Variants in HECTD4 observed in about 807,000 individuals in gnomAD.
HECTD4 encodes HECT domain E3 ubiquitin protein ligase 4, also known as probable E3 ubiquitin-protein ligase HECTD4.
HECTD4 carries 114 observed loss-of-function variants against 471.5 expected under a neutral mutation model. The ratio of observed to expected loss-of-function variants is 0.24; its 90% CI spans 0.21 to 0.28. HECTD4 has a LOEUF of 0.28. HECTD4 is among the 10% of genes least tolerant of loss of function. The pLI is 1.00. For missense variants in HECTD4, 3,866 were observed against 5,651.5 expected, an observed-to-expected ratio of 0.68 and a Z score of 10.13; for synonymous variants, 2,012 against 2,256.0, an observed-to-expected ratio of 0.89 and a Z score of 3.07.
chr12:112,199,003 G>T (rs1459394110), intron 55 of HECTD4, among the ~76,000 whole-genome samples: 1 of 152,154 alleles, frequency 6.6e-6, no homozygotes, highest in African/African-American at 2.4e-5. Flanking sequence ...CCTCTTGCTG[G>T]AATCCCTGGA....
At chr12:112,368,717 T>A (rs2036613293) in intron 1 of HECTD4, among the ~76,000 whole-genome samples, 1 of 152,200 alleles carries the variant, frequency 6.6e-6, no homozygotes, top group Non-Finnish European at 1.5e-5. Flanking sequence ...TTCGTTCTGG[T>A]GGAATGGTGT....
rs1457353627 is a variant in HECTD4, at chr12:112,270,324, A to G, written c.2078T>C (p.Ile693Thr). Residue 693 changes from isoleucine to threonine, a missense_variant, in exon 12 of 76, where the codon ATT (isoleucine) becomes ACT (threonine). Coordinates refer to ENST00000682272, the MANE Select transcript of HECTD4 (RefSeq NM_001388303.1). Reference sequence around the variant, plus strand: ...AATACTGCTAAGATGATGTGCTTCAATTGGATGCTGCTTGCCCAAGACACT... The same window carrying G: ...AATACTGCTAAGATGATGTGCTTCAGTTGGATGCTGCTTGCCCAAGACACT... ...ITSVLGKQHP[I>T]EAHHLSSICD... 2.5e-6 allele frequency: 4 copies of G among 1,613,914 alleles called. No homozygotes were observed. Among genetic ancestry groups the G allele is most frequent in the Admixed American group, 1.7e-5 (1 of 60,010 alleles).
At chr12:112,270,805 C>A (rs1159810331) in intron 11 of HECTD4, among the ~76,000 whole-genome samples, 1 of 152,312 alleles carries the variant, frequency 6.6e-6, no homozygotes, top group Non-Finnish European at 1.5e-5. Context: ...TGCCCTAGGT[C>A]ACACAGCTAA....
At chr12:112,202,322 C>T (rs563056382) in intron 54 of HECTD4, among the ~76,000 whole-genome samples, 7 of 152,134 alleles carry the variant, frequency 4.6e-5, no homozygotes, top group East Asian at 1.9e-4. Flanking sequence ...TCTCCTGCCT[C>T]GGCCTCCCAA....
At chr12:112,296,968 GTATAGGTGCAGTGGA>G (rs1460483040) in intron 7 of HECTD4, among the ~76,000 whole-genome samples, 1 of 148,894 alleles carries the variant, frequency 6.7e-6, no homozygotes, top group Non-Finnish European at 1.5e-5. Context: ...GGTGCAGAGG[GTATAGGTGCAGTGGA>G]TGTAGGTGCA....
At chr12:112,282,067 C>A (rs909301415) in intron 8 of HECTD4, among the ~76,000 whole-genome samples, 1 of 152,000 alleles carries the variant, frequency 6.6e-6, no homozygotes, top group African/African-American at 2.4e-5. Flanking sequence ...AAAGGTGTAT[C>A]CTGGTTAAGA....
At chr12:112,340,939 G>A (rs1435205631) in intron 1 of HECTD4, among the ~76,000 whole-genome samples, 3 of 152,146 alleles carry the variant, frequency 2.0e-5, no homozygotes, top group Non-Finnish European at 4.4e-5. Context: ...ACCTCAATGT[G>A]TCTTGAATAG....
At chr12:112,230,946 T>C in intron 39 of HECTD4, 124 bp from the exon 40 acceptor site, 1 of 859,678 alleles carries the variant, frequency 1.2e-6, no homozygotes, top group Non-Finnish European at 1.7e-6. Flanking sequence ...TGGATTCCAT[T>C]GACCGAGAAA....
chr12:112,189,415 G>C (rs1313830099), intron 60 of HECTD4, among the ~76,000 whole-genome samples: 1 of 151,790 alleles, frequency 6.6e-6, no homozygotes. Flanking sequence ...GGCCAGGCGT[G>C]GTGGTGGGCG....
chr12:112,282,244 G>C (rs868062252), intron 8 of HECTD4, among the ~76,000 whole-genome samples: 1 of 152,066 alleles, frequency 6.6e-6, no homozygotes, highest in Admixed American at 6.5e-5. Flanking sequence ...TTAGCCAGGC[G>C]TGGTAGCGGG....
chr12:112,221,295 C>T (rs749288676), intron 44 of HECTD4, among the ~76,000 whole-genome samples: 1 of 152,144 alleles, frequency 6.6e-6, no homozygotes, highest in African/African-American at 2.4e-5. Context: ...GTCTCTCAGG[C>T]TGGAGGGCAG....
rs1336986734 is a variant in HECTD4, at chr12:112,163,793, G to C, written c.12702-56C>G. The C allele has an allele frequency of 2.9e-6, 4 of 1,377,068 alleles. No individual in the cohort carries two copies. Among genetic ancestry groups the C allele is most frequent in the Non-Finnish European group, 2.9e-6 (3 of 1,050,022 alleles). The allele number at this position is 1,377,068 out of a possible 1,614,324, so 85.3% of individuals were successfully genotyped here. A position where few individuals can be genotyped will look rare whatever the true frequency, so the allele number is the denominator to read the frequency against. ...AACACCGCCGAAGAGGCTGGGTCTG[G>C]GGGCCACACCCACTCAGCTGGAGGT... is the stretch of plus-strand genomic sequence containing the variant. On this transcript the variant is annotated intron_variant, in intron 73 of 75. Coordinates refer to ENST00000682272, the MANE Select transcript of HECTD4 (RefSeq NM_001388303.1). The surrounding 1 kb of genome is among the most constrained non-coding windows in gnomAD (Gnocchi z 8.2).
chr12:112,167,622 T>TG lies in HECTD4; in HGVS notation c.12313-85dup, dbSNP rs1412609616. On this transcript the variant is annotated intron_variant, in intron 71 of 75. Coordinates refer to ENST00000682272, the MANE Select transcript of HECTD4 (RefSeq NM_001388303.1). ...ACATGTGTTTCAAGCCACCATACCC[T>TG]GTGGCAGGCAGGAGAGAAGTCACTG... The TG allele has an allele frequency of 2.5e-6, 3 of 1,194,214 alleles. No individual in the cohort carries two copies. In the African/African-American group the frequency reaches 4.6e-5, roughly 18 times the overall value. The allele number at this position is 1,194,214 out of a possible 1,614,324, so 74.0% of individuals were successfully genotyped here. A position where few individuals can be genotyped will look rare whatever the true frequency, so the allele number is the denominator to read the frequency against.
chr12:112,207,049 C>T (rs889276057), intron 52 of HECTD4, among the ~76,000 whole-genome samples: 2 of 151,904 alleles, frequency 1.3e-5, no homozygotes, highest in East Asian at 1.9e-4. Flanking sequence ...ATAATCTTTG[C>T]AATGTTTTCA....
intron 6 of HECTD4, among the ~76,000 whole-genome samples, chr12:112,306,556 C>T (rs1262314820): frequency 1.3e-5 from 2 of 152,148 alleles, no homozygotes; most frequent in African/African-American, 4.8e-5. Context: ...TTGTATCTAA[C>T]ACTTATTAAA....
rs532890245 is a variant in HECTD4, at chr12:112,213,540, G to T, written c.7466-890C>A. ...TCTCTACTAAAAATACAAAAATTTC[G>T]CCGGGCTAGGTGGCAGGCACCTGTA... On this transcript the variant is annotated intron_variant, in intron 48 of 75. Transcript: ENST00000682272. The surrounding 1 kb of genome is among the most constrained non-coding windows in gnomAD (Gnocchi z 4.0). Among the ~76,000 whole-genome samples, 1 of 151,344 alleles carries T rather than the reference G, an allele frequency of 6.6e-6. No homozygotes were observed. The highest frequency in any genetic ancestry group is 6.6e-5 in the Admixed American group (1 of 15,148).
intron 1 of HECTD4, among the ~76,000 whole-genome samples, chr12:112,340,683 T>C (rs977024158): frequency 6.6e-6 from 1 of 152,180 alleles, no homozygotes; most frequent in African/African-American, 2.4e-5. Flanking sequence ...TGATAGAGTG[T>C]GTGCAGTAAG....
Position 112,228,873 on chromosome 12 carries a change from A to G in HECTD4, c.6520-62T>C, listed in dbSNP as rs1315118976. On this transcript the variant is annotated intron_variant, in intron 41 of 75. Transcript: ENST00000682272. This position sits in a 1 kb window ranked among gnomAD's most constrained non-coding sequence, Gnocchi z 4.9. Reference sequence around the variant, plus strand: ...CTGACGTGTGGGCAGCTGTCTTACGAGACAAGAGGAAAAAGTAAATTTATA... The same window carrying G: ...CTGACGTGTGGGCAGCTGTCTTACGGGACAAGAGGAAAAAGTAAATTTATA... The G allele has an allele frequency of 4.0e-6, 6 of 1,492,036 alleles. No individual in the cohort carries two copies. The highest frequency in any genetic ancestry group is 5.5e-6 in the Non-Finnish European group (6 of 1,089,152). 92.4% of individuals were successfully genotyped at this position (1,492,036 alleles called of 1,614,324 possible).
chr12:112,267,118 G>T (rs1009474648), intron 13 of HECTD4, 136 bp from the exon 14 acceptor site: 26 of 616,734 alleles, frequency 4.2e-5, no homozygotes, highest in Non-Finnish European at 7.6e-5. Flanking sequence ...TCACCCCATT[G>T]ATCGCTGGGG....
Sources: allele counts gnomAD v4.1 joint callset (sites outside exome capture counted in the v4.1 genomes callset), GRCh38; gene constraint gnomAD v4.1.1; non-coding constraint Gnocchi (gnomAD v3.1); transcripts MANE v1.5; gene names NCBI Gene and HGNC (gene_info 2026-07-23, HGNC 2026-07-21).